DAD1: variants seen among roughly 807,000 people sequenced by gnomAD.
DAD1 encodes the protein dolichyl-diphosphooligosaccharide--protein glycosyltransferase subunit DAD1.
A neutral mutation model predicts 9.0 loss-of-function variants in DAD1; 4 were observed. That is an observed-to-expected ratio of 0.44 (90% CI 0.22 to 1.01). The LOEUF is 1.01. Ranked by LOEUF, DAD1 falls within the 50% of genes least tolerant of loss-of-function variation. DAD1 has a pLI of 0.24. For synonymous variants in DAD1, 60 were observed against 62.5 expected (o/e 0.96, Z 0.19); for missense variants, 119 against 137.3 (o/e 0.87, Z 0.67).
chr14:22,584,932 G>C (rs1397230427), intron 1 of DAD1, among the ~76,000 whole-genome samples: 8 of 152,258 alleles, frequency 5.3e-5, no homozygotes, highest in Non-Finnish European at 1.5e-5. Context: ...GTCTTCATAA[G>C]AGATATTGAG....
rs1195173489 is a variant in DAD1, at chr14:22,586,342, TTGAGA to T, written c.211+2600_211+2604del. 2.0e-5 allele frequency among the ~76,000 whole-genome samples: 3 copies of T among 151,516 alleles called. No homozygotes were observed. The East Asian group carries it at 5.9e-4, about 30-fold the overall frequency. On this transcript the variant is annotated intron_variant, in intron 1 of 2. Coordinates refer to ENST00000250498, the MANE Select transcript of DAD1 (RefSeq NM_001344.4). ...AGGCGGATCACCTGAGGTCAGGAGT[TTGAGA>T]CCAGCCTGACCAACATGGAGAAACT... is the stretch of plus-strand genomic sequence containing the variant.
At chr14:22,580,350 G>A (rs952620828) in intron 1 of DAD1, among the ~76,000 whole-genome samples, 2 of 151,936 alleles carry the variant, frequency 1.3e-5, no homozygotes, top group African/African-American at 4.8e-5. Flanking sequence ...AGCCCAGGAG[G>A]TAGAGGTTGC....
chr14:22,578,625 G>A (rs1421766961), intron 1 of DAD1, among the ~76,000 whole-genome samples: 1 of 152,186 alleles, frequency 6.6e-6, no homozygotes, highest in African/African-American at 2.4e-5. Flanking sequence ...CTTAAAACTT[G>A]GTAAAACCAA....
rs771302526 is a variant in DAD1, at chr14:22,589,203, A to G, written c.-46T>C. ...GGTCCGCGCCCCAAACTCTTGGAGG[A>G]CCCGTCGACCACACCGGATGTGCTG... On this transcript the variant is annotated 5_prime_UTR_variant, in exon 1 of 3. Coordinates refer to ENST00000250498, the MANE Select transcript of DAD1 (RefSeq NM_001344.4). The G allele has an allele frequency of 7.5e-6, 12 of 1,595,856 alleles. No homozygotes were observed. Among genetic ancestry groups the G allele is most frequent in the Non-Finnish European group, 1.0e-5 (12 of 1,164,882 alleles).
chr14:22,569,438 A>T (rs1454130061), intron 2 of DAD1, among the ~76,000 whole-genome samples: 1 of 152,196 alleles, frequency 6.6e-6, no homozygotes, highest in Non-Finnish European at 1.5e-5. Flanking sequence ...GTCTCAAAAA[A>T]AAAAAAAAAG....
chr14:22,588,136 T>C (rs890156212), intron 1 of DAD1, among the ~76,000 whole-genome samples: 1 of 152,186 alleles, frequency 6.6e-6, no homozygotes, highest in Non-Finnish European at 1.5e-5. Flanking sequence ...TAATGCCTCA[T>C]ATTGGACTGA....
rs1378803875 is a variant in DAD1, at chr14:22,586,938, T to C, written c.211+2009A>G. ...TGCTTTCATTTCTATAGCTCTATTA[T>C]CTGTTATCTAACAGATCTGGAAATC... is the stretch of plus-strand genomic sequence containing the variant. On this transcript the variant is annotated intron_variant, in intron 1 of 2. Transcript: ENST00000250498. Among the ~76,000 whole-genome samples the C allele has an allele frequency of 2.6e-5, 4 of 152,214 alleles. No homozygotes were observed. In the East Asian group the frequency reaches 7.7e-4, roughly 29 times the overall value.
rs546104729 is a variant in DAD1 at position 22,569,523 on chromosome 14, G to T, written c.*45-4386C>A. On this transcript the variant is annotated intron_variant, in intron 2 of 2. Coordinates refer to ENST00000250498, the MANE Select transcript of DAD1 (RefSeq NM_001344.4). ...CAATTGAGTCCAGTGGGAGAGAGAA[G>T]AAAGTGAATGAATAGTTTCATAACA... is the stretch of plus-strand genomic sequence containing the variant. 2.0e-5 allele frequency among the ~76,000 whole-genome samples: 3 copies of T among 152,016 alleles called. No homozygotes were observed. In the South Asian group the frequency reaches 6.2e-4, roughly 31 times the overall value.
chr14:22,568,496 A>C (rs5742847), intron 2 of DAD1, among the ~76,000 whole-genome samples: 106,566 of 152,048 alleles, frequency 0.7, 39,007 homozygotes, highest in African/African-American at 0.93. Context: ...AATGAGGATC[A>C]ACAAAAACAG....
At chr14:22,573,512 A>G (rs1282908676) in intron 2 of DAD1, among the ~76,000 whole-genome samples, 1 of 152,000 alleles carries the variant, frequency 6.6e-6, no homozygotes, top group Non-Finnish European at 1.5e-5. Context: ...CAGGAGATCG[A>G]GATCATCCTA....
At chr14:22,572,836 A>G (rs1714421638) in intron 2 of DAD1, among the ~76,000 whole-genome samples, 4 of 152,178 alleles carry the variant, frequency 2.6e-5, no homozygotes, top group Admixed American at 2.0e-4. Context: ...AGAGTAAGCA[A>G]TCAGAAGACA....
intron 1 of DAD1, among the ~76,000 whole-genome samples, chr14:22,579,991 C>T (rs2037104864): frequency 6.6e-6 from 1 of 151,196 alleles, no homozygotes; most frequent in South Asian, 2.1e-4. Context: ...AGTCATGCAC[C>T]ACCATGCCTA....
chr14:22,565,857 C>T (rs1286023859), intron 2 of DAD1, among the ~76,000 whole-genome samples: 9 of 152,142 alleles, frequency 5.9e-5, no homozygotes, highest in Admixed American at 3.3e-4. Flanking sequence ...TGGAAAGTGA[C>T]CTCCAGCCTT....
At position 22,589,071 on chromosome 14, in the gene DAD1, C is replaced by T; in HGVS notation, c.87G>A (p.Ala29=). 6.2e-7 allele frequency: 1 copy of T among 1,614,220 alleles called. No individual in the cohort carries two copies. Among genetic ancestry groups the T allele is most frequent in the Non-Finnish European group, 8.5e-7 (1 of 1,180,042 alleles). Reference sequence around the variant, plus strand: ...CGGTCAGCAGTATATACAGCAGGTACGCGTCCAGCAACTTCAGACGCTGCG... The same window carrying T: ...CGGTCAGCAGTATATACAGCAGGTATGCGTCCAGCAACTTCAGACGCTGCG... ...STPQRLKLLD[A]YLLYILLTGA... is the part of the protein sequence containing the mutation. The change falls in exon 1 of 3, where the codon GCG becomes GCA. Residue 29 remains alanine (A), a synonymous_variant. Coordinates refer to ENST00000250498, the MANE Select transcript of DAD1 (RefSeq NM_001344.4).
chr14:22,583,972 A>G (rs2037135390), intron 1 of DAD1, among the ~76,000 whole-genome samples: 1 of 152,156 alleles, frequency 6.6e-6, no homozygotes, highest in Non-Finnish European at 1.5e-5. Context: ...TACTTTAGGA[A>G]GGCGAATGTA....
chr14:22,572,764 G>T (rs1243123753), intron 2 of DAD1, among the ~76,000 whole-genome samples: 1 of 152,086 alleles, frequency 6.6e-6, no homozygotes, highest in Non-Finnish European at 1.5e-5. Context: ...TGAAATGTTT[G>T]CTGTGTCCCC....
At chr14:22,566,211 G>A (rs1566368805) in intron 2 of DAD1, among the ~76,000 whole-genome samples, 1 of 152,188 alleles carries the variant, frequency 6.6e-6, no homozygotes, top group Non-Finnish European at 1.5e-5. Flanking sequence ...AGCAATAACA[G>A]GAAGCAAAAG....
At chr14:22,578,933 T>C (rs2037096842) in intron 1 of DAD1, among the ~76,000 whole-genome samples, 1 of 152,188 alleles carries the variant, frequency 6.6e-6, no homozygotes, top group South Asian at 2.1e-4. Context: ...TATACCTAGA[T>C]GGGGATGCAC....
At chr14:22,581,820 C>T (rs1430467035) in intron 1 of DAD1, among the ~76,000 whole-genome samples, 2 of 150,166 alleles carry the variant, frequency 1.3e-5, no homozygotes, top group Non-Finnish European at 2.9e-5. Context: ...GACACAAGGG[C>T]CAAATCCTGA....
Sources: gnomAD v4.1 joint callset for allele counts (sites outside exome capture counted in the v4.1 genomes callset) on GRCh38, gnomAD v4.1.1 for gene constraint, MANE v1.5 for transcripts, NCBI Gene and HGNC (gene_info 2026-07-23, HGNC 2026-07-21) for gene names.